PHF14: variants seen among roughly 807,000 people sequenced by gnomAD.
The protein encoded by PHF14 is PHD finger protein 14.
PHF14 carries 55 observed loss-of-function variants against 117.9 expected under a neutral mutation model. The ratio of observed to expected loss-of-function variants is 0.47; its 90% CI spans 0.38 to 0.58. The LOEUF is 0.58. Ranked by LOEUF, PHF14 falls within the 20% of genes least tolerant of loss-of-function variation. The pLI, the probability that PHF14 is intolerant of heterozygous loss-of-function variation, is 0.00. For synonymous variants in PHF14, 409 were observed against 368.6 expected (o/e 1.11, Z -1.26); for missense variants, 978 against 1,122.2 (o/e 0.87, Z 1.84).
chr7:11,046,021 G>GA (rs1333942433), intron 13 of PHF14, among the ~76,000 whole-genome samples: 1 of 152,188 alleles, frequency 6.6e-6, no homozygotes, highest in East Asian at 1.9e-4. Context: ...CCAGGGATGT[G>GA]AAAAGCTAGT....
chr7:11,017,343 T>G (rs955084904), intron 5 of PHF14, among the ~76,000 whole-genome samples: 1 of 152,198 alleles, frequency 6.6e-6, no homozygotes, highest in African/African-American at 2.4e-5. Flanking sequence ...GTTGTACTAA[T>G]ATACATTTCA....
chr7:11,012,646 C>T (rs1253158215), intron 4 of PHF14, among the ~76,000 whole-genome samples: 2 of 152,118 alleles, frequency 1.3e-5, no homozygotes, highest in African/African-American at 2.4e-5. Context: ...GCCAAGTTAT[C>T]TTGTCTGTTG....
intron 7 of PHF14, among the ~76,000 whole-genome samples, chr7:11,029,114 TAAA>T (rs149877086): frequency 2.0e-5 from 3 of 151,284 alleles, no homozygotes; most frequent in Non-Finnish European, 4.4e-5. Flanking sequence ...GAATTATAGT[TAAA>T]AAAAAATAGC....
At chr7:11,105,877 T>C in intron 16 of PHF14, 1 of 957,104 alleles carries the variant, frequency 1.0e-6, no homozygotes, top group South Asian at 4.9e-5. Context: ...CTGATTTACA[T>C]TGTAAAATCA....
chr7:11,079,746 T>C (rs1036270504), intron 16 of PHF14, among the ~76,000 whole-genome samples: 1 of 152,132 alleles, frequency 6.6e-6, no homozygotes, highest in African/African-American at 2.4e-5. Context: ...GTATGCTAAC[T>C]GTGATATACA....
intron 17 of PHF14, among the ~76,000 whole-genome samples, chr7:11,132,914 TG>T (rs1788126273): frequency 6.6e-6 from 1 of 151,950 alleles, no homozygotes; most frequent in South Asian, 2.1e-4. Context: ...TTTGGAGAAA[TG>T]TCTATTCAAG....
intron 16 of PHF14, among the ~76,000 whole-genome samples, chr7:11,102,317 G>A (rs574655299): frequency 9.2e-5 from 14 of 151,824 alleles, no homozygotes; most frequent in African/African-American, 3.1e-4. Context: ...TTAACCAATA[G>A]GAACCTACAC....
At chr7:10,976,869 G>T (rs572558620) in intron 2 of PHF14, among the ~76,000 whole-genome samples, 167 of 147,788 alleles carry the variant, frequency 1.1e-3, no homozygotes, top group African/African-American at 3.8e-3. Flanking sequence ...TTACCTTCCT[G>T]GCCCCCTGGG....
At chr7:11,109,575 T>C (rs1199447734) in intron 16 of PHF14, 1 of 151,900 alleles carries the variant, frequency 6.6e-6, no homozygotes, top group Non-Finnish European at 1.5e-5. Context: ...TGAAGGTTTC[T>C]ATATCCATAG....
At chr7:11,129,603 T>C (rs2128348335) in intron 17 of PHF14, among the ~76,000 whole-genome samples, 1 of 151,438 alleles carries the variant, frequency 6.6e-6, no homozygotes, top group East Asian at 1.9e-4. Flanking sequence ...AAACCCTTTA[T>C]TTACCAAAAT....
Position 11,076,992 on chromosome 7 carries a change from G to A in PHF14, c.2654+14907G>A, listed in dbSNP as rs539887474. Among the ~76,000 whole-genome samples, 4 of 149,848 alleles carry A rather than the reference G, an allele frequency of 2.7e-5. No individual in the cohort carries two copies. The South Asian group carries it at 6.3e-4, about 24-fold the overall frequency. On this transcript the variant is annotated intron_variant, in intron 16 of 17. Coordinates refer to ENST00000634607, the MANE Select transcript of PHF14 (RefSeq NM_001007157.2). Reference sequence around the variant, plus strand: ...TATATGTTGTACTTATGTTGTATGTGCACATATTAAAATGCCATGTGTCAT... The same window carrying A: ...TATATGTTGTACTTATGTTGTATGTACACATATTAAAATGCCATGTGTCAT...
chr7:11,001,615 A>AT (rs1297330305), intron 4 of PHF14, among the ~76,000 whole-genome samples: 1 of 152,094 alleles, frequency 6.6e-6, no homozygotes, highest in Non-Finnish European at 1.5e-5. Context: ...ATATTATTTT[A>AT]TTTTTTGGGG....
intron 4 of PHF14, among the ~76,000 whole-genome samples, chr7:11,003,140 C>T (rs945499221): frequency 5.3e-5 from 8 of 152,230 alleles, no homozygotes; most frequent in African/African-American, 1.9e-4. Context: ...GGGGTTTCAC[C>T]ATGTTGGCCA....
At chr7:11,017,045 T>G (rs1474268758) in intron 5 of PHF14, among the ~76,000 whole-genome samples, 1 of 152,216 alleles carries the variant, frequency 6.6e-6, no homozygotes, top group African/African-American at 2.4e-5. Context: ...CATAATGATC[T>G]CTAGTTCCAC....
chr7:11,037,270 T>C (rs943485717), intron 10 of PHF14, among the ~76,000 whole-genome samples, 179 bp downstream of exon 10: 9 of 152,364 alleles, frequency 5.9e-5, no homozygotes, highest in Non-Finnish European at 1.5e-5. Context: ...ACTGAGCACT[T>C]TGTGTGCCAG....
intron 16 of PHF14, among the ~76,000 whole-genome samples, chr7:11,069,131 T>G (rs1211251060): frequency 6.6e-6 from 1 of 152,174 alleles, no homozygotes; most frequent in African/African-American, 2.4e-5. Context: ...GAAAGGTTGC[T>G]GGCTCCTGAG....
chr7:11,167,673 C>T (rs1200812028), intron 17 of PHF14, among the ~76,000 whole-genome samples: 1 of 152,212 alleles, frequency 6.6e-6, no homozygotes, highest in Non-Finnish European at 1.5e-5. Flanking sequence ...AACAGTGTCT[C>T]TCCTGAAGAA....
intron 17 of PHF14, among the ~76,000 whole-genome samples, chr7:11,119,095 G>T (rs1463620999): frequency 1.3e-5 from 2 of 151,814 alleles, no homozygotes; most frequent in Non-Finnish European, 3.0e-5. Context: ...CATTTACATA[G>T]CATGCTGTGG....
intron 6 of PHF14, among the ~76,000 whole-genome samples, chr7:11,024,488 A>C (rs963365906): frequency 2.6e-5 from 4 of 152,220 alleles, no homozygotes; most frequent in African/African-American, 9.6e-5. Flanking sequence ...AGAAGTCACT[A>C]TCTGGCTTCT....
Sources: gnomAD v4.1 joint callset for allele counts (sites outside exome capture counted in the v4.1 genomes callset) on GRCh38, gnomAD v4.1.1 for gene constraint, MANE v1.5 for transcripts, NCBI Gene and HGNC (gene_info 2026-07-23, HGNC 2026-07-21) for gene names.